The following TDRD9 variants were observed in gnomAD, a reference collection of about 807,000 sequenced individuals.
TDRD9 encodes ATP-dependent RNA helicase TDRD9.
Under a neutral mutation model 172.6 loss-of-function variants are expected in TDRD9, and 124 were observed. That is an observed-to-expected ratio of 0.72 (90% CI 0.62 to 0.83). TDRD9 has a LOEUF of 0.83. TDRD9 is among the 40% of genes least tolerant of loss of function. The pLI is 0.00. For missense variants in TDRD9, 1,479 were observed against 1,714.1 expected, an observed-to-expected ratio of 0.86 and a Z score of 2.42; for synonymous variants, 619 against 617.1, an observed-to-expected ratio of 1.00 and a Z score of -0.05.
chr14:103,929,129 A>G (rs527527855), intron 1 of TDRD9, among the ~76,000 whole-genome samples: 1 of 152,038 alleles, frequency 6.6e-6, no homozygotes, highest in Admixed American at 6.5e-5. Flanking sequence ...CCCGGAGGCC[A>G]TCGTTACAGG....
chr14:103,957,060 G>T (rs772543381), intron 2 of TDRD9, among the ~76,000 whole-genome samples: 1 of 152,132 alleles, frequency 6.6e-6, no homozygotes, highest in African/African-American at 2.4e-5. Context: ...ATACATAATA[G>T]TAGATTAATC....
At position 104,040,243 on chromosome 14, in the gene TDRD9, G is replaced by A. The variant is rs1281990604; in HGVS notation, c.3764G>A (p.Gly1255Glu). The change falls in exon 33 of 36, where the codon GGG becomes GAG. Residue 1255 changes from glycine to glutamate, a missense_variant. Transcript: ENST00000409874. ...KYYTGVLCGL[G>E]WNPATGASIL... ...TATACTGGAGTCCTTTGTGGTTTGG[G>A]GTGGAATCCAGCTACAGGGGCTTCC... 1.3e-6 allele frequency: 2 copies of A among 1,551,126 alleles called. No homozygotes were observed. The highest frequency in any genetic ancestry group is 2.4e-5 in the East Asian group (1 of 40,896).
intron 1 of TDRD9, 113 bp downstream of exon 1, chr14:103,928,837 A>G: frequency 1.0e-5 from 3 of 299,066 alleles, no homozygotes; most frequent in Non-Finnish European, 1.8e-5. Context: ...GCGGGGCTCC[A>G]GGGACCCCTG....
intron 1 of TDRD9, among the ~76,000 whole-genome samples, chr14:103,930,017 T>A (rs2030268175): frequency 6.6e-6 from 1 of 152,196 alleles, no homozygotes; most frequent in Non-Finnish European, 1.5e-5. Flanking sequence ...TATCCTCTGT[T>A]TTTAGAGGAA....
chr14:103,996,889 G>C (rs753590529), intron 12 of TDRD9, among the ~76,000 whole-genome samples: 2 of 152,162 alleles, frequency 1.3e-5, no homozygotes, highest in Admixed American at 6.5e-5. Context: ...CATCCTGAAG[G>C]AGGTTAGGGA....
chr14:103,943,117 T>TGCTATTTCTTTTTTCTTTCTTTC (rs1378130714), intron 1 of TDRD9, among the ~76,000 whole-genome samples: 1 of 151,986 alleles, frequency 6.6e-6, no homozygotes, highest in Non-Finnish European at 1.5e-5. Context: ...GTCATTATTG[T>TGCTATTTCTTTTTTCTTTCTTTC]GCTATTTCTT....
At chr14:104,047,372 A>G (rs2140935458) in intron 34 of TDRD9, among the ~76,000 whole-genome samples, 1 of 152,074 alleles carries the variant, frequency 6.6e-6, no homozygotes, top group Non-Finnish European at 1.5e-5. Context: ...TTGTTTGTAG[A>G]TTCCTTAGGA....
At chr14:103,999,326 A>C (rs1244303898) in intron 13 of TDRD9, among the ~76,000 whole-genome samples, 1 of 152,212 alleles carries the variant, frequency 6.6e-6, no homozygotes, top group Non-Finnish European at 1.5e-5. Flanking sequence ...TTGGTGAAGA[A>C]CTATGGACAC....
intron 33 of TDRD9, among the ~76,000 whole-genome samples, chr14:104,041,351 A>G (rs1180310666): frequency 1.3e-5 from 2 of 152,240 alleles, no homozygotes; most frequent in Non-Finnish European, 2.9e-5. Flanking sequence ...CCAAAGCACA[A>G]TCTGTGAAGG....
intron 1 of TDRD9, among the ~76,000 whole-genome samples, chr14:103,944,810 T>C (rs1164783195): frequency 6.6e-6 from 1 of 151,910 alleles, no homozygotes; most frequent in Non-Finnish European, 1.5e-5. Flanking sequence ...AGTGATCTGT[T>C]CGTCTTGGCC....
rs919030975 is a variant in TDRD9 at position 104,008,293 on chromosome 14, G to T, written c.2053-120G>T. 12 of 642,810 alleles carry T rather than the reference G, an allele frequency of 1.9e-5. 1 individual carries two copies. The highest frequency in any genetic ancestry group is 1.1e-4 in the Admixed American group (4 of 35,836). The allele number at this position is 642,810 out of a possible 1,614,324, so 39.8% of individuals were successfully genotyped here. The stretch of plus-strand genomic sequence containing the variant: ...GGAGAGGGAGTGCCACTGTCAACTT[G>T]AGTAGCTCAGTAATTTACATTCATC... On this transcript the variant is annotated intron_variant, in intron 19 of 35. Transcript: ENST00000409874.
intron 7 of TDRD9, among the ~76,000 whole-genome samples, chr14:103,976,197 AT>A (rs1215027230): frequency 6.6e-6 from 1 of 151,642 alleles, no homozygotes. Context: ...GAATGATAGG[AT>A]TTTATTCTTT....
chr14:104,026,253 G>A lies in TDRD9; in HGVS notation c.3021+117G>A, dbSNP rs575833582. On this transcript the variant is annotated intron_variant, in intron 27 of 35. Coordinates refer to ENST00000409874, the MANE Select transcript of TDRD9 (RefSeq NM_153046.3). ...TACAGCTAGGGGAGCCAAGGCCCAGGACAGGGAGGGACTTGCTTTGTCACA... is the reference window on the plus strand; with the variant it reads ...TACAGCTAGGGGAGCCAAGGCCCAGAACAGGGAGGGACTTGCTTTGTCACA... The A allele has an allele frequency of 1.2e-5, 8 of 681,838 alleles. No homozygotes were observed. In the Admixed American group the frequency reaches 1.6e-4, roughly 14 times the overall value. The allele number at this position is 681,838 out of a possible 1,614,324, so 42.2% of individuals were successfully genotyped here.
Position 104,014,766 on chromosome 14 carries a change from G to A in TDRD9, c.2148G>A (p.Gln716=). ...AAGAATTGAAGACTAGAATCTCACAGTTCAACATGCATGTTGATTCTCGGC... is the reference window on the plus strand; with the variant it reads ...AAGAATTGAAGACTAGAATCTCACAATTCAACATGCATGTTGATTCTCGGC... ...LYEELKTRIS[Q]FNMHVDSRRP... Residue 716 remains glutamine (Q), a synonymous_variant, in exon 21 of 36, where the codon CAG becomes CAA. Coordinates refer to ENST00000409874, the MANE Select transcript of TDRD9 (RefSeq NM_153046.3). 1.9e-6 allele frequency: 3 copies of A among 1,611,640 alleles called. No homozygotes were observed. Among genetic ancestry groups the A allele is most frequent in the Non-Finnish European group, 2.5e-6 (3 of 1,178,562 alleles).
intron 13 of TDRD9, among the ~76,000 whole-genome samples, chr14:104,000,187 G>A (rs1309468149): frequency 6.6e-6 from 1 of 151,954 alleles, no homozygotes; most frequent in African/African-American, 2.4e-5. Context: ...AATTAGCTGG[G>A]TGTGGTGGCT....
In TDRD9 at chr14:104,022,190, GA is replaced by G; in HGVS notation, c.2467del (p.Arg823AspfsTer17). The stretch of plus-strand genomic sequence containing the variant: ...TGGAATTCTCACGAAATCCAACAGA[GA>G]GATTTAAAACCCTTCCTGCAGTATA... ...FVEFSRNPTERFKTLPAVYMA... is the reference protein window; with the variant it reads ...FVEFSRNPTEXFKTLPAVYMA... On this transcript the variant is annotated frameshift_variant, in exon 24 of 36. Transcript: ENST00000409874. LOFTEE classifies it high-confidence loss of function. 6.4e-7 allele frequency: 1 copy of G among 1,566,530 alleles called. No homozygotes were observed. Among genetic ancestry groups the G allele is most frequent in the Non-Finnish European group, 8.7e-7 (1 of 1,155,460 alleles).
intron 32 of TDRD9, among the ~76,000 whole-genome samples, chr14:104,036,751 A>G (rs1266836242): frequency 6.6e-6 from 1 of 152,266 alleles, no homozygotes; most frequent in African/African-American, 2.4e-5. Flanking sequence ...AAAAGGTTAT[A>G]TATAACAATA....
At chr14:103,941,000 C>T in intron 1 of TDRD9, 1 of 1,535,420 alleles carries the variant, frequency 6.5e-7, no homozygotes, top group South Asian at 1.2e-5. Context: ...TCCTCTTGCT[C>T]ACTCCCTCTG....
At chr14:103,948,506 A>G (rs1441970865) in intron 1 of TDRD9, among the ~76,000 whole-genome samples, 6 of 152,172 alleles carry the variant, frequency 3.9e-5, no homozygotes, top group Non-Finnish European at 1.5e-5. Context: ...ATACCCAGAA[A>G]AGTTTAAAGG....
Sources: allele counts gnomAD v4.1 joint callset (sites outside exome capture counted in the v4.1 genomes callset), GRCh38; gene constraint gnomAD v4.1.1; transcripts MANE v1.5; gene names NCBI Gene and HGNC (gene_info 2026-07-23, HGNC 2026-07-21).